Variants in GRIA2 observed in about 807,000 individuals in gnomAD.
GRIA2 encodes the protein glutamate ionotropic receptor AMPA type subunit 2.
In GRIA2, 14 loss-of-function variants were observed where a neutral mutation model predicts 97.3. That is an observed-to-expected ratio of 0.14 (90% CI 0.10 to 0.23). GRIA2 has a LOEUF of 0.23. Among genes scored for constraint, GRIA2 ranks in the 10% least tolerant of loss-of-function variants. GRIA2 has a pLI of 1.00. For synonymous variants in GRIA2, 412 were observed against 387.8 expected, an observed-to-expected ratio of 1.06 and a Z score of -0.73; for missense variants, 558 against 1,069.8, an observed-to-expected ratio of 0.52 and a Z score of 6.67.
chr4:157,226,575 CA>C, intron 2 of GRIA2, among the ~76,000 whole-genome samples: 1 of 152,024 alleles, frequency 6.6e-6, no homozygotes, highest in East Asian at 1.9e-4. Flanking sequence ...ATTTTAGTCA[CA>C]AATTACTGAG....
At chr4:157,315,403 T>C (rs1734267575) in intron 4 of GRIA2, among the ~76,000 whole-genome samples, 2 of 151,766 alleles carry the variant, frequency 1.3e-5, no homozygotes, top group Admixed American at 1.3e-4. Flanking sequence ...GAAACAATGT[T>C]TATTCACTCA....
chr4:157,335,957 T>G, intron 10 of GRIA2, 80 bp downstream of exon 10: 1 of 893,256 alleles, frequency 1.1e-6, no homozygotes, highest in Non-Finnish European at 1.8e-6. Flanking sequence ...CTGTGAAGTA[T>G]CTATATCTGA....
rs571612637 is a variant in GRIA2, at chr4:157,247,724, A to G, written c.229+25917A>G. Among the ~76,000 whole-genome samples the G allele has an allele frequency of 3.6e-4, 55 of 152,246 alleles. 2 individuals carry two copies. Among genetic ancestry groups the G allele is most frequent in the African/African-American group, 1.3e-3 (54 of 41,564 alleles). ...GAGATCAGAGTTATCCAATGAATGTAGAAATGGTACAGCTCTGACTTAAAG... is the reference window on the plus strand; with the variant it reads ...GAGATCAGAGTTATCCAATGAATGTGGAAATGGTACAGCTCTGACTTAAAG... On this transcript the variant is annotated intron_variant, in intron 2 of 15. Transcript: ENST00000264426.
At chr4:157,264,899 A>C (rs918075685) in intron 2 of GRIA2, among the ~76,000 whole-genome samples, 3 of 152,036 alleles carry the variant, frequency 2.0e-5, no homozygotes, top group African/African-American at 7.2e-5. Flanking sequence ...TCTCTCACCC[A>C]CACACACATG....
intron 2 of GRIA2, among the ~76,000 whole-genome samples, chr4:157,282,847 A>G (rs2126817464): frequency 6.6e-6 from 1 of 152,208 alleles, no homozygotes; most frequent in Non-Finnish European, 1.5e-5. Context: ...AATATGTATG[A>G]GCCGACATCC....
At chr4:157,277,385 G>A (rs918524214) in intron 2 of GRIA2, among the ~76,000 whole-genome samples, 5 of 151,840 alleles carry the variant, frequency 3.3e-5, no homozygotes, top group African/African-American at 1.2e-4. Context: ...AACATCCTCA[G>A]TGGATAAAGA....
chr4:157,267,104 G>GA (rs779734902), intron 2 of GRIA2, among the ~76,000 whole-genome samples: 2 of 151,402 alleles, frequency 1.3e-5, no homozygotes, highest in African/African-American at 2.4e-5. Flanking sequence ...GAGAATCTAG[G>GA]AAAAAAAGGA....
intron 12 of GRIA2, among the ~76,000 whole-genome samples, chr4:157,347,683 T>G (rs1188193910): frequency 6.6e-6 from 1 of 152,192 alleles, no homozygotes; most frequent in Non-Finnish European, 1.5e-5. Flanking sequence ...CTGTTGGATC[T>G]TTCACACTGG....
At chr4:157,240,978 C>T (rs376709765) in intron 2 of GRIA2, among the ~76,000 whole-genome samples, 13 of 149,434 alleles carry the variant, frequency 8.7e-5, no homozygotes, top group African/African-American at 2.2e-4. Flanking sequence ...TTTGTTCTTG[C>T]GATAGTTTAC....
chr4:157,296,202 C>T (rs547019130), intron 2 of GRIA2, among the ~76,000 whole-genome samples: 55 of 152,074 alleles, frequency 3.6e-4, no homozygotes, highest in African/African-American at 9.6e-4. Flanking sequence ...AAAATGATTG[C>T]GCTTTTTTCC....
intron 12 of GRIA2, among the ~76,000 whole-genome samples, chr4:157,351,504 T>C (rs1468949319): frequency 3.9e-5 from 6 of 152,168 alleles, no homozygotes; most frequent in Non-Finnish European, 8.8e-5. Context: ...GGAAATAACA[T>C]TTGCATTGAC....
intron 2 of GRIA2, among the ~76,000 whole-genome samples, chr4:157,256,075 C>T (rs554524031): frequency 5.9e-4 from 86 of 144,580 alleles, no homozygotes; most frequent in Middle Eastern, 7.5e-3. Context: ...TAATACATAT[C>T]TATAGGTACC....
At chr4:157,226,424 A>G (rs952420438) in intron 2 of GRIA2, among the ~76,000 whole-genome samples, 1 of 152,102 alleles carries the variant, frequency 6.6e-6, no homozygotes, top group Non-Finnish European at 1.5e-5. Context: ...AGGTTGCCCT[A>G]TATTTTATGT....
intron 2 of GRIA2, among the ~76,000 whole-genome samples, chr4:157,302,765 A>G (rs766212974): frequency 1.3e-5 from 2 of 152,192 alleles, no homozygotes; most frequent in Non-Finnish European, 2.9e-5. Flanking sequence ...TAACTTAGTT[A>G]TGGACTGACT....
intron 2 of GRIA2, among the ~76,000 whole-genome samples, chr4:157,275,810 C>T (rs1415712729): frequency 6.6e-6 from 1 of 151,892 alleles, no homozygotes. Context: ...CGTGATGCCT[C>T]CAGCTTTTTT....
At chr4:157,334,155 T>C in intron 9 of GRIA2, 35 bp downstream of exon 9, 1 of 1,001,928 alleles carries the variant, frequency 1.0e-6, no homozygotes, top group South Asian at 1.3e-5. Context: ...TTACTTTGTA[T>C]TTTCTTATGG....
intron 2 of GRIA2, among the ~76,000 whole-genome samples, chr4:157,265,204 C>A (rs1280561275): frequency 1.3e-5 from 2 of 152,024 alleles, no homozygotes; most frequent in Non-Finnish European, 2.9e-5. Context: ...ATTGGAAATG[C>A]GATGGTGAAC....
chr4:157,228,768 T>C (rs1190940059), intron 2 of GRIA2, among the ~76,000 whole-genome samples: 2 of 113,882 alleles, frequency 1.8e-5, no homozygotes, highest in Non-Finnish European at 3.3e-5. Flanking sequence ...ACTCCAGCCT[T>C]GGAGATGGCA....
chr4:157,336,379 A>T lies in GRIA2; in HGVS notation c.1476A>T (p.Lys492Asn). 6.5e-7 allele frequency: 1 copy of T among 1,538,624 alleles called. No homozygotes were observed. The highest frequency in any genetic ancestry group is 8.7e-7 in the Non-Finnish European group (1 of 1,144,812). ...ACTTTCCTTTTTTTCCCTTACAGAA[A>T]GCTGATATTGCAATTGCTCCATTAA... ...NGMVGELVYGKADIAIAPLTI... is the reference protein window; with the variant it reads ...NGMVGELVYGNADIAIAPLTI... The change falls in exon 11 of 16, where the codon AAA (lysine) becomes AAT (asparagine). Residue 492 changes from lysine (K) to asparagine (N), a missense_variant and splice_region_variant. Transcript: ENST00000264426.
Sources: allele counts gnomAD v4.1 joint callset (sites outside exome capture counted in the v4.1 genomes callset), GRCh38; gene constraint gnomAD v4.1.1; transcripts MANE v1.5; gene names NCBI Gene and HGNC (gene_info 2026-07-23, HGNC 2026-07-21).